The following MAP4K5 variants were observed in gnomAD, a reference collection of about 807,000 sequenced individuals.
The protein encoded by MAP4K5 is MAPK/ERK kinase kinase kinase 5.
MAP4K5 carries 82 observed loss-of-function variants against 135.6 expected under a neutral mutation model. That is an observed-to-expected ratio of 0.60 (90% CI 0.51 to 0.73). The LOEUF (loss-of-function observed/expected upper bound fraction) is 0.73, where lower values mean the gene tolerates loss of function less well. Ranked by LOEUF, MAP4K5 falls within the 30% of genes least tolerant of loss-of-function variation. The pLI is 0.00. For synonymous variants in MAP4K5, 347 were observed against 335.0 expected (o/e 1.04, Z -0.39); for missense variants, 907 against 1,010.9 (o/e 0.90, Z 1.39).
chr14:50,520,880 T>A (rs11844030), intron 2 of MAP4K5, among the ~76,000 whole-genome samples: 1,516 of 148,600 alleles, frequency 0.01, 30 homozygotes, highest in African/African-American at 0.036. Context: ...TGGAGTGCAG[T>A]GGCGCGATCT....
intron 29 of MAP4K5, 78 bp from the exon 30 acceptor site, chr14:50,428,832 C>CT: frequency 1.4e-6 from 1 of 730,582 alleles, no homozygotes; most frequent in Admixed American, 3.1e-5. Context: ...GTGGATTTTA[C>CT]ATGGATATCA....
chr14:50,544,547 C>T (rs184230253), intron 1 of MAP4K5, among the ~76,000 whole-genome samples: 42 of 152,284 alleles, frequency 2.8e-4, no homozygotes, highest in Non-Finnish European at 4.9e-4. Context: ...AAGACACAGA[C>T]ATGACTTATT....
chr14:50,547,058 A>T (rs1280493768), intron 1 of MAP4K5, among the ~76,000 whole-genome samples: 3 of 152,126 alleles, frequency 2.0e-5, no homozygotes, highest in African/African-American at 7.2e-5. Flanking sequence ...GAACACATGG[A>T]CACAGGGGGA....
intron 6 of MAP4K5, among the ~76,000 whole-genome samples, chr14:50,480,592 A>G (rs2037216869): frequency 6.6e-6 from 1 of 152,162 alleles, no homozygotes; most frequent in African/African-American, 2.4e-5. Flanking sequence ...TTCACATAAC[A>G]TAAGGATCTC....
intron 13 of MAP4K5, 55 bp from the exon 14 acceptor site, chr14:50,456,649 A>C (rs2036600720): frequency 1.8e-6 from 2 of 1,111,352 alleles, no homozygotes; most frequent in Non-Finnish European, 2.6e-6. Context: ...AGAAAGTTAA[A>C]AGGTCAAACT....
upstream of MAP4K5, among the ~76,000 whole-genome samples, chr14:50,537,472 C>G (rs2038509280): frequency 6.6e-6 from 1 of 152,134 alleles, no homozygotes; most frequent in African/African-American, 2.4e-5. Flanking sequence ...GAGGTACTGC[C>G]TAGTGGAGCT....
chr14:50,488,241 C>A (rs1395152027), intron 3 of MAP4K5, among the ~76,000 whole-genome samples: 1 of 152,054 alleles, frequency 6.6e-6, no homozygotes, highest in Non-Finnish European at 1.5e-5. Context: ...CTCATGAGAA[C>A]TCACTATCAT....
rs535876696 is a variant in MAP4K5 at position 50,444,008 on chromosome 14, C to T, written c.1368G>A (p.Met456Ile). 39 of 1,605,862 alleles carry T rather than the reference C, an allele frequency of 2.4e-5. No individual in the cohort carries two copies. In the Admixed American group the frequency reaches 5.3e-4, roughly 22 times the overall value. ...GTGCTGATCCTTCTGTATTTTCACT[C>T]ATCAGTTTTGAAATACCATCACCAT... ...IGNGDGISKL[M>I]SENTEGSAQA... The change falls in exon 19 of 33, where the codon ATG becomes ATA. Residue 456 changes from methionine (M) to isoleucine (I), a missense_variant. Physicochemically the swap from Met to Ile is conservative, Grantham distance 10. Around this residue, in one of 3 missense-constraint regions of MAP4K5, gnomAD observed 690 missense variants for 777.4 expected, o/e 0.89. Coordinates refer to ENST00000682126, the MANE Select transcript of MAP4K5 (RefSeq NM_006575.6).
chr14:50,446,218 G>T, intron 16 of MAP4K5, 97 bp from the exon 17 acceptor site: 2 of 728,496 alleles, frequency 2.7e-6, no homozygotes, highest in East Asian at 3.2e-5. Flanking sequence ...TTTCTATACA[G>T]AGGATGTAAA....
chr14:50,474,994 A>T, intron 9 of MAP4K5, 83 bp downstream of exon 9: 1 of 1,154,842 alleles, frequency 8.7e-7, no homozygotes, highest in Non-Finnish European at 1.3e-6. Flanking sequence ...TTTAATTATT[A>T]CTTCTATTAC....
At chr14:50,429,023 C>T (rs1488379087) in intron 29 of MAP4K5, among the ~76,000 whole-genome samples, 169 bp downstream of exon 29, 1 of 152,072 alleles carries the variant, frequency 6.6e-6, no homozygotes. Context: ...ATGGCTACCT[C>T]GGTGCTCAAC....
At chr14:50,442,286 T>C (rs1489780942) in intron 21 of MAP4K5, among the ~76,000 whole-genome samples, 1 of 152,076 alleles carries the variant, frequency 6.6e-6, no homozygotes, top group Non-Finnish European at 1.5e-5. Flanking sequence ...CTTATGTAAA[T>C]GTTTGTTTTC....
intron 14 of MAP4K5, chr14:50,449,747 G>A (rs1056725221): frequency 1.3e-5 from 2 of 151,916 alleles, no homozygotes; most frequent in Admixed American, 1.3e-4. Flanking sequence ...AAAAAGTCCT[G>A]GGACATTAAT....
chr14:50,539,562 A>G (rs980686720), intron 2 of MAP4K5, among the ~76,000 whole-genome samples: 1 of 152,244 alleles, frequency 6.6e-6, no homozygotes, highest in African/African-American at 2.4e-5. Context: ...ATGCTAAAGT[A>G]AGGGCACTGG....
rs140868867 is a variant in MAP4K5 at position 50,496,183 on chromosome 14, G to A, written c.166+8617C>T. Among the ~76,000 whole-genome samples, 578 of 151,980 alleles carry A rather than the reference G, an allele frequency of 3.8e-3. 2 individuals carry two copies. Among genetic ancestry groups the A allele is most frequent in the Admixed American group, 6.3e-3 (96 of 15,244 alleles). On this transcript the variant is annotated intron_variant, in intron 3 of 32. Transcript: ENST00000682126. ...CTACCAAAAACATAAAAAATTAGTC[G>A]GGTGTCGTGGTGGGAGCCTGTAATC...
chr14:50,458,114 C>A (rs2036630729), intron 13 of MAP4K5, among the ~76,000 whole-genome samples: 1 of 152,152 alleles, frequency 6.6e-6, no homozygotes, highest in East Asian at 1.9e-4. Context: ...CTATTCTGTA[C>A]CTTCTTCACA....
At chr14:50,483,907 CTGGAG>C (rs1302267187) in intron 5 of MAP4K5, among the ~76,000 whole-genome samples, 1 of 151,804 alleles carries the variant, frequency 6.6e-6, no homozygotes, top group African/African-American at 2.4e-5. Flanking sequence ...CTCGCCCAGG[CTGGAG>C]TGCACTGGCG....
At chr14:50,492,441 A>C (rs2037504086) in intron 3 of MAP4K5, among the ~76,000 whole-genome samples, 1 of 152,028 alleles carries the variant, frequency 6.6e-6, no homozygotes. Context: ...AAAAAACACA[A>C]AAATTAGCCA....
At chr14:50,444,149 G>C (rs1048621670) in intron 18 of MAP4K5, 113 bp from the exon 19 acceptor site, 7 of 725,814 alleles carry the variant, frequency 9.6e-6, no homozygotes, top group Non-Finnish European at 1.7e-5. Flanking sequence ...CCTTTATTGG[G>C]GAATATTCTC....
Sources: gnomAD v4.1 joint callset for allele counts (sites outside exome capture counted in the v4.1 genomes callset) on GRCh38, gnomAD v4.1.1 for gene constraint, gnomAD v4.1.1 regional missense constraint, MANE v1.5 for transcripts, NCBI Gene and HGNC (gene_info 2026-07-23, HGNC 2026-07-21) for gene names.